The following ALPK2 variants were observed in gnomAD, a reference collection of about 807,000 sequenced individuals.
ALPK2 encodes the protein alpha-protein kinase 2.
Under a neutral mutation model 163.1 loss-of-function variants are expected in ALPK2, and 127 were observed. The observed-to-expected ratio is 0.78, with a 90% CI of 0.67 to 0.90. The LOEUF (loss-of-function observed/expected upper bound fraction) is 0.90. Ranked by LOEUF, ALPK2 falls within the 40% of genes least tolerant of loss-of-function variation. The pLI, the probability that ALPK2 is intolerant of heterozygous loss-of-function variation, is 0.00. For synonymous variants in ALPK2, 953 were observed against 959.1 expected, an observed-to-expected ratio of 0.99 and a Z score of 0.12; for missense variants, 2,360 against 2,589.6, an observed-to-expected ratio of 0.91 and a Z score of 1.92.
At chr18:58,497,357 C>A (rs1568066278) in intron 12 of ALPK2, among the ~76,000 whole-genome samples, 2 of 152,294 alleles carry the variant, frequency 1.3e-5, no homozygotes, top group East Asian at 3.9e-4. Context: ...CACAGAATTG[C>A]ATCTTCACCA....
chr18:58,602,307 T>C (rs1191354033), intron 3 of ALPK2, among the ~76,000 whole-genome samples: 2 of 152,204 alleles, frequency 1.3e-5, no homozygotes, highest in Admixed American at 6.5e-5. Context: ...GGCTACCCCA[T>C]GTATTAGCTT....
At position 58,537,559 on chromosome 18, in the gene ALPK2, G is replaced by A. The variant is rs771796924; in HGVS notation, c.2628C>T (p.Cys876=). The A allele has an allele frequency of 1.9e-6, 3 of 1,614,046 alleles. No homozygotes were observed. The South Asian group carries it at 3.3e-5, about 18-fold the overall frequency. The change falls in exon 5 of 13, where the codon TGC becomes TGT. Residue 876 remains cysteine, a synonymous_variant. Coordinates refer to ENST00000361673, the MANE Select transcript of ALPK2 (RefSeq NM_052947.4). The part of the protein sequence containing the change: ...TQVSETSVST[C]KSSKDGNSVM... ...CTGAGTTGCCGTCCTTGCTGCTTTT[G>A]CACGTAGACACTGAAGTCTCAGACA...
intron 4 of ALPK2, among the ~76,000 whole-genome samples, chr18:58,552,627 G>A (rs2051765855): frequency 6.6e-6 from 1 of 152,342 alleles, no homozygotes; most frequent in Non-Finnish European, 1.5e-5. Context: ...TCCTGGCCTT[G>A]TCCTAGCTTC....
At chr18:58,500,930 C>A (rs899263819) in intron 11 of ALPK2, among the ~76,000 whole-genome samples, 1 of 152,178 alleles carries the variant, frequency 6.6e-6, no homozygotes, top group African/African-American at 2.4e-5. Context: ...CAGGACCTGG[C>A]ATAATCTTCT....
chr18:58,548,997 T>C (rs2051735195), intron 4 of ALPK2, among the ~76,000 whole-genome samples: 1 of 152,248 alleles, frequency 6.6e-6, no homozygotes, highest in Admixed American at 6.5e-5. Flanking sequence ...TCCAGGCTCC[T>C]GCGTTTTGGT....
intron 4 of ALPK2, among the ~76,000 whole-genome samples, chr18:58,561,937 CA>C (rs1379377566): frequency 6.6e-6 from 1 of 152,214 alleles, no homozygotes. Context: ...GTACTTTCAA[CA>C]ATCTGGATGC....
intron 3 of ALPK2, 24 bp downstream of exon 3, chr18:58,607,298 G>A: frequency 6.6e-7 from 1 of 1,516,560 alleles, no homozygotes; most frequent in Non-Finnish European, 9.1e-7. Flanking sequence ...TTAGTAAACA[G>A]TCCACAGGGG....
At chr18:58,524,163 A>G in intron 6 of ALPK2, 101 bp from the exon 7 acceptor site, 1 of 1,468,014 alleles carries the variant, frequency 6.8e-7, no homozygotes. Context: ...CCCTGCTCAC[A>G]TGTTTTCAGC....
chr18:58,519,865 C>G (rs1234185721), intron 8 of ALPK2, among the ~76,000 whole-genome samples: 1 of 152,162 alleles, frequency 6.6e-6, no homozygotes. Flanking sequence ...ATGAGCGCGT[C>G]CTCTTGGTTA....
chr18:58,621,821 A>G (rs2052201981), intron 1 of ALPK2, among the ~76,000 whole-genome samples: 1 of 152,152 alleles, frequency 6.6e-6, no homozygotes, highest in Admixed American at 6.5e-5. Flanking sequence ...CTAACTTTTC[A>G]ATATTAATAG....
chr18:58,524,187 A>T, intron 6 of ALPK2, 125 bp from the exon 7 acceptor site: 2 of 1,316,150 alleles, frequency 1.5e-6, no homozygotes, highest in Non-Finnish European at 2.1e-6. Flanking sequence ...TGAGCTGCCC[A>T]AAGGGCAAAA....
chr18:58,491,849 T>C (rs2051376598), intron 12 of ALPK2, among the ~76,000 whole-genome samples: 1 of 152,148 alleles, frequency 6.6e-6, no homozygotes, highest in South Asian at 2.1e-4. Context: ...GGGCAGGTAA[T>C]TGAGGTGAGG....
intron 11 of ALPK2, among the ~76,000 whole-genome samples, chr18:58,500,413 C>T (rs954537355): frequency 2.7e-4 from 41 of 152,170 alleles, no homozygotes; most frequent in African/African-American, 1.9e-4. Context: ...CCCACAATTA[C>T]CAGCTGTCAC....
At position 58,499,415 on chromosome 18, in the gene ALPK2, A is replaced by T. The variant is rs1015109658; in HGVS notation, c.6248-1318T>A. The stretch of plus-strand genomic sequence containing the variant: ...GTAGTGGAAAGAGCCACCCTCTCTC[A>T]CTCTACCCCCAGTCTCAGCCTGCAT... On this transcript the variant is annotated intron_variant, in intron 11 of 12. Transcript: ENST00000361673. 2.6e-5 allele frequency among the ~76,000 whole-genome samples: 4 copies of T among 151,704 alleles called. No homozygotes were observed. In the East Asian group the frequency reaches 7.7e-4, roughly 29 times the overall value.
chr18:58,580,654 T>G, intron 3 of ALPK2, 106 bp from the exon 4 acceptor site: 1 of 1,072,426 alleles, frequency 9.3e-7, no homozygotes, highest in Non-Finnish European at 1.3e-6. Context: ...TACTGCATGT[T>G]CAAGGAGATC....
intron 3 of ALPK2, among the ~76,000 whole-genome samples, chr18:58,600,150 C>A (rs1040435988): frequency 2.0e-5 from 3 of 147,736 alleles, no homozygotes; most frequent in African/African-American, 7.5e-5. Context: ...GATTCTCATG[C>A]CTCAGCCTCC....
At chr18:58,596,595 C>G (rs2052042553) in intron 3 of ALPK2, among the ~76,000 whole-genome samples, 1 of 152,236 alleles carries the variant, frequency 6.6e-6, no homozygotes, top group African/African-American at 2.4e-5. Context: ...GGGCCTTCTC[C>G]TACAGCAGCT....
intron 4 of ALPK2, among the ~76,000 whole-genome samples, chr18:58,541,278 A>C (rs1302517584): frequency 6.6e-6 from 1 of 152,262 alleles, no homozygotes; most frequent in Non-Finnish European, 1.5e-5. Context: ...GAGCAGGACC[A>C]AGAGCGAGCA....
intron 4 of ALPK2, among the ~76,000 whole-genome samples, chr18:58,565,053 G>T (rs989197519): frequency 6.6e-6 from 1 of 152,090 alleles, no homozygotes; most frequent in Non-Finnish European, 1.5e-5. Context: ...TGGTTGGGGG[G>T]CATAAATTGT....
Sources: allele counts gnomAD v4.1 joint callset (sites outside exome capture counted in the v4.1 genomes callset), GRCh38; gene constraint gnomAD v4.1.1; transcripts MANE v1.5; gene names NCBI Gene and HGNC (gene_info 2026-07-23, HGNC 2026-07-21).